Variants in ADGRL3 observed in about 807,000 individuals in gnomAD.
ADGRL3 encodes the protein adhesion G protein-coupled receptor L3, also known as calcium-independent alpha-latrotoxin receptor 3.
A neutral mutation model predicts 153.5 loss-of-function variants in ADGRL3; 62 were observed. The ratio of observed to expected loss-of-function variants is 0.40; its 90% confidence interval spans 0.33 to 0.50. The LOEUF (loss-of-function observed/expected upper bound fraction) is 0.50. ADGRL3 is among the 20% of genes least tolerant of loss of function. ADGRL3 has a pLI of 0.47. For missense variants in ADGRL3, 1,641 were observed against 1,859.4 expected (o/e 0.88, Z 2.16); for synonymous variants, 710 against 672.5 (o/e 1.06, Z -0.86).
rs68037459 is a variant in ADGRL3 at position 61,291,175 on chromosome 4, TACACACACAC to T, written c.-240+89443_-240+89452del. Among the ~76,000 whole-genome samples, 259 of 135,476 alleles carry T rather than the reference TACACACACAC, an allele frequency of 1.9e-3. 2 individuals are homozygous for T. The highest frequency in any genetic ancestry group is 6.2e-3 in the African/African-American group (212 of 34,462). 88.9% of individuals were successfully genotyped at this position (135,476 alleles called of 152,430 possible). A position where few individuals can be genotyped will look rare whatever the true frequency, so the allele number is the denominator to read the frequency against. ...AGGCCTAAGATTTTGCCTGGATCAA[TACACACACAC>T]ACACACACACACACACACACACACA... On this transcript the variant is annotated intron_variant, in intron 1 of 26. Coordinates refer to ENST00000683033, the MANE Select transcript of ADGRL3 (RefSeq NM_001387552.1).
At chr4:61,265,465 C>T (rs1002170113) in intron 1 of ADGRL3, among the ~76,000 whole-genome samples, 4 of 151,716 alleles carry the variant, frequency 2.6e-5, no homozygotes, top group Admixed American at 6.6e-5. Flanking sequence ...GACAACTAAG[C>T]GGAGGACAGT....
chr4:62,018,733 G>A (rs1439701651), intron 21 of ADGRL3, among the ~76,000 whole-genome samples: 1 of 152,186 alleles, frequency 6.6e-6, no homozygotes. Context: ...TTCAGAGGAA[G>A]GCCTGTCCTG....
chr4:61,342,397 G>T (rs1198508381), intron 1 of ADGRL3, among the ~76,000 whole-genome samples: 3 of 152,082 alleles, frequency 2.0e-5, no homozygotes, highest in African/African-American at 7.2e-5. Flanking sequence ...TAGTGATAAT[G>T]ACAACTTCAG....
At chr4:62,053,152 G>A (rs953996426) in intron 25 of ADGRL3, among the ~76,000 whole-genome samples, 12 of 151,416 alleles carry the variant, frequency 7.9e-5, no homozygotes, top group Admixed American at 5.9e-4. Context: ...TAAGAAATAG[G>A]CTGTATTAAT....
chr4:61,979,691 C>G lies in ADGRL3; in HGVS notation c.2934C>G (p.Asn978Lys). The change falls in exon 18 of 27, where the codon AAC becomes AAG. Residue 978 changes from asparagine (N) to lysine (K), a missense_variant. This residue lies in a region of ADGRL3 where 734 missense variants were observed against 797.0 expected (regional missense o/e 0.92). Transcript: ENST00000683033. ...TCCGGGGGCTCCAGAGTGACCGTAA[C>G]ACCATCCACAAGAACCTCTGCATCA... Reference protein sequence around the residue: ...CFFRGLQSDRNTIHKNLCISL... With the variant: ...CFFRGLQSDRKTIHKNLCISL... 6.2e-7 allele frequency: 1 copy of G among 1,613,958 alleles called. No homozygotes were observed. The highest frequency in any genetic ancestry group is 1.1e-5 in the South Asian group (1 of 91,076).
intron 1 of ADGRL3, among the ~76,000 whole-genome samples, chr4:61,235,429 A>T (rs566516181): frequency 6.6e-6 from 1 of 152,200 alleles, no homozygotes; most frequent in Non-Finnish European, 1.5e-5. Context: ...TATAATGTTT[A>T]TAGTTCAGAA....
At chr4:61,721,913 G>C (rs2096249786) in intron 6 of ADGRL3, among the ~76,000 whole-genome samples, 1 of 152,042 alleles carries the variant, frequency 6.6e-6, no homozygotes, top group Non-Finnish European at 1.5e-5. Context: ...AATACTGTTT[G>C]TATAAAAATT....
intron 1 of ADGRL3, among the ~76,000 whole-genome samples, chr4:61,331,993 T>G (rs1271662975): frequency 6.6e-6 from 1 of 152,076 alleles, no homozygotes; most frequent in East Asian, 1.9e-4. Flanking sequence ...TTATTAAAAT[T>G]TACTTTCTCC....
intron 8 of ADGRL3, among the ~76,000 whole-genome samples, chr4:61,812,971 A>G (rs890096021): frequency 6.6e-6 from 1 of 152,232 alleles, no homozygotes; most frequent in Non-Finnish European, 1.5e-5. Context: ...TAAAATATAA[A>G]TTAATCATAA....
intron 1 of ADGRL3, among the ~76,000 whole-genome samples, chr4:61,368,627 T>C (rs1043063009): frequency 6.6e-6 from 1 of 152,082 alleles, no homozygotes; most frequent in Non-Finnish European, 1.5e-5. Flanking sequence ...TTTTGGTTAC[T>C]GTAGCCTTGT....
intron 13 of ADGRL3, among the ~76,000 whole-genome samples, chr4:61,932,513 G>A (rs1171528846): frequency 2.0e-5 from 3 of 152,080 alleles, no homozygotes; most frequent in African/African-American, 7.2e-5. Context: ...CCTGTATCCA[G>A]GGATAAATTG....
At chr4:62,052,209 A>T (rs1734583842) in intron 25 of ADGRL3, among the ~76,000 whole-genome samples, 1 of 151,710 alleles carries the variant, frequency 6.6e-6, no homozygotes, top group Admixed American at 6.6e-5. Context: ...ACAGGATAAC[A>T]AAAACATTCA....
intron 2 of ADGRL3, among the ~76,000 whole-genome samples, chr4:61,465,471 C>A (rs1223503305): frequency 6.6e-6 from 1 of 151,770 alleles, no homozygotes; most frequent in Non-Finnish European, 1.5e-5. Context: ...AATTGAGATA[C>A]AATTGCAAAG....
At chr4:61,619,113 T>G (rs991964744) in intron 5 of ADGRL3, among the ~76,000 whole-genome samples, 1 of 152,098 alleles carries the variant, frequency 6.6e-6, no homozygotes, top group Non-Finnish European at 1.5e-5. Flanking sequence ...CAGAGACAAT[T>G]TGTGGAGAAA....
chr4:62,006,794 A>T (rs2099160936), intron 21 of ADGRL3, among the ~76,000 whole-genome samples: 1 of 152,132 alleles, frequency 6.6e-6, no homozygotes, highest in Admixed American at 6.6e-5. Flanking sequence ...TAGAGCAAAC[A>T]ATTGAAATGG....
At chr4:61,434,412 C>T (rs2097417994) in intron 2 of ADGRL3, among the ~76,000 whole-genome samples, 1 of 151,964 alleles carries the variant, frequency 6.6e-6, no homozygotes, top group African/African-American at 2.4e-5. Context: ...TATGGATATG[C>T]ATGTATACAT....
chr4:61,569,717 T>C (rs946251105), intron 4 of ADGRL3, among the ~76,000 whole-genome samples: 1 of 152,194 alleles, frequency 6.6e-6, no homozygotes, highest in Non-Finnish European at 1.5e-5. Context: ...TGGCATATTG[T>C]TTTCAAGGTT....
At position 61,923,302 on chromosome 4, in the gene ADGRL3, A is replaced by C. The variant is rs1464652770; in HGVS notation, c.2112+10545A>C. 2.0e-5 allele frequency among the ~76,000 whole-genome samples: 3 copies of C among 151,674 alleles called. No individual in the cohort carries two copies. The East Asian group carries it at 5.8e-4, about 29-fold the overall frequency. On this transcript the variant is annotated intron_variant, in intron 13 of 26. Coordinates refer to ENST00000683033, the MANE Select transcript of ADGRL3 (RefSeq NM_001387552.1). ...CTATTATCCTTGTGTAGATGATTTA[A>C]AAAAGAAAATTAACTGCTTTACACA...
intron 9 of ADGRL3, among the ~76,000 whole-genome samples, chr4:61,838,267 A>G (rs1024564560): frequency 7.2e-5 from 11 of 152,160 alleles, no homozygotes; most frequent in African/African-American, 2.7e-4. Flanking sequence ...TCAAATTTAA[A>G]TCAAGAAGCC....
Sources: gnomAD v4.1 joint callset for allele counts (sites outside exome capture counted in the v4.1 genomes callset) on GRCh38, gnomAD v4.1.1 for gene constraint, gnomAD v4.1.1 regional missense constraint, MANE v1.5 for transcripts, NCBI Gene and HGNC (gene_info 2026-07-23, HGNC 2026-07-21) for gene names.